The following ADCY2 variants were observed in gnomAD, a reference collection of about 807,000 sequenced individuals.
The protein encoded by ADCY2 is adenylate cyclase type 2.
ADCY2 carries 31 observed loss-of-function variants against 125.2 expected under a neutral mutation model. The observed-to-expected ratio is 0.25, with a 90% confidence interval of 0.19 to 0.33. The LOEUF (loss-of-function observed/expected upper bound fraction) is 0.33, where lower values mean the gene tolerates loss of function less well. Ranked by LOEUF, ADCY2 falls within the 10% of genes least tolerant of loss-of-function variation. ADCY2 has a pLI of 1.00. For synonymous variants in ADCY2, 512 were observed against 548.4 expected, an observed-to-expected ratio of 0.93 and a Z score of 0.93; for missense variants, 904 against 1,418.2, an observed-to-expected ratio of 0.64 and a Z score of 5.82.
chr5:7,805,364 G>T (rs1744728356), intron 22 of ADCY2, among the ~76,000 whole-genome samples: 1 of 152,012 alleles, frequency 6.6e-6, no homozygotes, highest in South Asian at 2.1e-4. Flanking sequence ...AAACAAGTTG[G>T]CCACATGGAA....
intron 18 of ADCY2, among the ~76,000 whole-genome samples, chr5:7,777,449 C>T (rs1743768412): frequency 6.6e-6 from 1 of 152,248 alleles, no homozygotes; most frequent in African/African-American, 2.4e-5. Context: ...AAGAGCCTGA[C>T]ACCAGCTTCC....
At position 7,806,532 on chromosome 5, in the gene ADCY2, G is replaced by A. The variant is rs78311021; in HGVS notation, c.2883+1840G>A. Among the ~76,000 whole-genome samples the A allele has an allele frequency of 4.4e-3, 672 of 152,296 alleles. 8 individuals carry two copies. Among genetic ancestry groups the A allele is most frequent in the African/African-American group, 0.015 (640 of 41,574 alleles). Reference sequence around the variant, plus strand: ...GGACTGAGGTGCTGGCTGATTAGGTGTCTGCTGAGGGCTCCTCTTCTGTCT... The same window carrying A: ...GGACTGAGGTGCTGGCTGATTAGGTATCTGCTGAGGGCTCCTCTTCTGTCT... On this transcript the variant is annotated intron_variant, in intron 22 of 24. Coordinates refer to ENST00000338316, the MANE Select transcript of ADCY2 (RefSeq NM_020546.3).
At chr5:7,817,546 G>A (rs532819872) in intron 23 of ADCY2, among the ~76,000 whole-genome samples, 9 of 152,054 alleles carry the variant, frequency 5.9e-5, no homozygotes, top group Admixed American at 5.9e-4. Context: ...TAACCTTTAG[G>A]CCTGGTGCAG....
intron 14 of ADCY2, among the ~76,000 whole-genome samples, chr5:7,740,392 A>G (rs78550095): frequency 0.012 from 1,801 of 152,138 alleles, 28 homozygotes; most frequent in African/African-American, 0.041. Context: ...CTACACTCCT[A>G]GTTGGAAATG....
chr5:7,408,931 A>G (rs1739606486), intron 1 of ADCY2, among the ~76,000 whole-genome samples: 1 of 152,212 alleles, frequency 6.6e-6, no homozygotes, highest in Non-Finnish European at 1.5e-5. Context: ...CATTTATGTG[A>G]ATATTCATTG....
chr5:7,654,342 G>A (rs192864617), intron 4 of ADCY2: 12 of 354,318 alleles, frequency 3.4e-5, no homozygotes, highest in Non-Finnish European at 5.6e-5. Flanking sequence ...GAGGGAAAAC[G>A]GGATCGAGAG....
intron 1 of ADCY2, among the ~76,000 whole-genome samples, chr5:7,403,179 GA>G (rs1739333424): frequency 6.6e-6 from 1 of 151,240 alleles, no homozygotes; most frequent in Non-Finnish European, 1.5e-5. Context: ...GGTATATAGA[GA>G]AAAAAAGAGC....
intron 2 of ADCY2, among the ~76,000 whole-genome samples, chr5:7,495,186 AC>A: frequency 1.3e-5 from 2 of 152,056 alleles, no homozygotes; most frequent in Admixed American, 6.6e-5. Context: ...AGCCCTAATC[AC>A]CCCCGTGCCT....
intron 3 of ADCY2, among the ~76,000 whole-genome samples, chr5:7,529,937 G>A (rs1022842846): frequency 6.6e-6 from 1 of 151,996 alleles, no homozygotes; most frequent in Non-Finnish European, 1.5e-5. Context: ...GCTTCTCCCT[G>A]TGCCCAGCAC....
Position 7,502,060 on chromosome 5 carries a change from C to A in ADCY2, c.409-18678C>A, listed in dbSNP as rs147593927. Reference sequence around the variant, plus strand: ...GCTGTACCCTGGAGAAGGAACTAGGCTGGTGGATGAATTAAAAGCCACTCT... The same window carrying A: ...GCTGTACCCTGGAGAAGGAACTAGGATGGTGGATGAATTAAAAGCCACTCT... On this transcript the variant is annotated intron_variant, in intron 2 of 24. Transcript: ENST00000338316. Among the ~76,000 whole-genome samples the A allele has an allele frequency of 3.1e-3, 472 of 152,232 alleles. 2 individuals are homozygous for A. Among genetic ancestry groups the A allele is most frequent in the African/African-American group, 0.01 (436 of 41,528 alleles).
intron 3 of ADCY2, among the ~76,000 whole-genome samples, chr5:7,582,549 A>G (rs1579597115): frequency 6.6e-6 from 1 of 152,142 alleles, no homozygotes; most frequent in African/African-American, 2.4e-5. Flanking sequence ...ATCCACCAAT[A>G]TATACAAAGA....
chr5:7,701,447 G>T (rs1741075463), intron 7 of ADCY2, among the ~76,000 whole-genome samples: 1 of 152,104 alleles, frequency 6.6e-6, no homozygotes, highest in African/African-American at 2.4e-5. Flanking sequence ...TTTTTACTGT[G>T]ATAAAATATG....
intron 3 of ADCY2, among the ~76,000 whole-genome samples, chr5:7,584,367 G>T (rs747375382): frequency 6.6e-6 from 1 of 152,016 alleles, no homozygotes; most frequent in Non-Finnish European, 1.5e-5. Context: ...GTAAAAACAT[G>T]ACAGAACACT....
At chr5:7,732,600 T>G (rs1251888977) in intron 14 of ADCY2, among the ~76,000 whole-genome samples, 1 of 152,224 alleles carries the variant, frequency 6.6e-6, no homozygotes, top group East Asian at 1.9e-4. Flanking sequence ...TGAGGCATTT[T>G]TGTTAGAATA....
intron 13 of ADCY2, among the ~76,000 whole-genome samples, chr5:7,725,075 A>G (rs1741892471): frequency 6.6e-6 from 1 of 152,202 alleles, no homozygotes; most frequent in Non-Finnish European, 1.5e-5. Flanking sequence ...CATCCTTAAT[A>G]CTTTCATATT....
At chr5:7,547,280 A>C (rs1174255320) in intron 3 of ADCY2, among the ~76,000 whole-genome samples, 3 of 152,194 alleles carry the variant, frequency 2.0e-5, no homozygotes, top group Non-Finnish European at 4.4e-5. Flanking sequence ...TGTCTCTATG[A>C]ATTCATAACC....
intron 2 of ADCY2, among the ~76,000 whole-genome samples, chr5:7,469,211 G>A (rs1742240476): frequency 6.6e-6 from 1 of 151,202 alleles, no homozygotes; most frequent in African/African-American, 2.5e-5. Flanking sequence ...TATCTAACCA[G>A]CCATTCTTAA....
intron 4 of ADCY2, among the ~76,000 whole-genome samples, chr5:7,674,340 C>T (rs907357835): frequency 1.6e-4 from 25 of 152,136 alleles, no homozygotes; most frequent in Admixed American, 6.5e-5. Flanking sequence ...GCTCTATCTG[C>T]TTTGAGGCGG....
intron 2 of ADCY2, among the ~76,000 whole-genome samples, chr5:7,457,489 G>A (rs1741727798): frequency 6.6e-6 from 1 of 152,124 alleles, no homozygotes; most frequent in Non-Finnish European, 1.5e-5. Flanking sequence ...CGCATTCAAG[G>A]CCTCAGAAGC....
Sources: gnomAD v4.1 joint callset for allele counts (sites outside exome capture counted in the v4.1 genomes callset) on GRCh38, gnomAD v4.1.1 for gene constraint, MANE v1.5 for transcripts, NCBI Gene and HGNC (gene_info 2026-07-23, HGNC 2026-07-21) for gene names.